The following NAV2 variants were observed in gnomAD, a reference collection of about 807,000 sequenced individuals.
NAV2 encodes neuron navigator 2.
NAV2 carries 54 observed loss-of-function variants against 223.2 expected under a neutral mutation model. The observed-to-expected ratio is 0.24, with a 90% confidence interval of 0.19 to 0.30. NAV2 has a LOEUF of 0.30. Ranked by LOEUF, NAV2 falls within the 10% of genes least tolerant of loss-of-function variation. The pLI is 1.00. For synonymous variants in NAV2, 1,279 were observed against 1,239.3 expected (o/e 1.03, Z -0.67); for missense variants, 2,806 against 3,147.5 (o/e 0.89, Z 2.60).
intron 3 of NAV2, among the ~76,000 whole-genome samples, chr11:19,860,973 T>C (rs972711230): frequency 7.0e-6 from 1 of 141,848 alleles, no homozygotes; most frequent in Admixed American, 7.5e-5. Context: ...TGAGCCGAGA[T>C]GGCAGCAGTA....
intron 1 of NAV2, among the ~76,000 whole-genome samples, chr11:19,566,713 C>G (rs577527439): frequency 1.3e-5 from 2 of 152,190 alleles, no homozygotes; most frequent in South Asian, 4.2e-4. Flanking sequence ...TATGAAACAC[C>G]AGACATTATC....
At chr11:19,936,423 A>C (rs2045911765) in intron 7 of NAV2, among the ~76,000 whole-genome samples, 1 of 152,218 alleles carries the variant, frequency 6.6e-6, no homozygotes, top group African/African-American at 2.4e-5. Context: ...TATCAGAAGA[A>C]AAAGTCTTAA....
At chr11:19,701,073 G>T (rs896534240) in intron 1 of NAV2, among the ~76,000 whole-genome samples, 2 of 152,138 alleles carry the variant, frequency 1.3e-5, no homozygotes, top group African/African-American at 4.8e-5. Flanking sequence ...AGAAGTGAGG[G>T]GACCTTTGCC....
intron 1 of NAV2, among the ~76,000 whole-genome samples, chr11:19,699,656 T>C (rs2049452877): frequency 6.6e-6 from 1 of 152,208 alleles, no homozygotes; most frequent in Non-Finnish European, 1.5e-5. Flanking sequence ...AGAAGAGTAG[T>C]GCAGCACCTT....
chr11:19,924,958 T>G (rs1439373070), intron 6 of NAV2, among the ~76,000 whole-genome samples: 2 of 152,172 alleles, frequency 1.3e-5, no homozygotes, highest in South Asian at 2.1e-4. Context: ...GGGTCAGGGA[T>G]GCTTATTTTT....
At chr11:19,931,327 C>T (rs1167314204) in intron 6 of NAV2, among the ~76,000 whole-genome samples, 1 of 152,146 alleles carries the variant, frequency 6.6e-6, no homozygotes, top group Non-Finnish European at 1.5e-5. Flanking sequence ...ACCCTCCCTC[C>T]AAACCCAAAT....
chr11:19,958,879 C>A (rs1005414640), intron 10 of NAV2, among the ~76,000 whole-genome samples: 8 of 152,156 alleles, frequency 5.3e-5, no homozygotes, highest in African/African-American at 1.9e-4. Flanking sequence ...AGGCAGTGGG[C>A]TCAGGTTAGA....
At chr11:19,924,703 C>T (rs964624626) in intron 6 of NAV2, among the ~76,000 whole-genome samples, 2 of 152,198 alleles carry the variant, frequency 1.3e-5, no homozygotes. Flanking sequence ...GAAAGCATCA[C>T]CAAGATTTCT....
At chr11:19,706,694 G>T (rs894611366) in intron 1 of NAV2, among the ~76,000 whole-genome samples, 1 of 152,164 alleles carries the variant, frequency 6.6e-6, no homozygotes, top group African/African-American at 2.4e-5. Context: ...CCAAAGCCAG[G>T]CACATAGATG....
intron 1 of NAV2, among the ~76,000 whole-genome samples, chr11:19,645,192 G>T (rs1472741659): frequency 2.0e-5 from 3 of 152,090 alleles, no homozygotes; most frequent in Non-Finnish European, 4.4e-5. Context: ...GATTCTAGAG[G>T]CTGGTCCTAT....
At position 20,092,267 on chromosome 11, in the gene NAV2, G is replaced by T. The variant is rs755895691; in HGVS notation, c.5714G>T (p.Gly1905Val). Residue 1905 changes from glycine to valine, a missense_variant, in exon 28 of 38, where the codon GGC becomes GTC. Physicochemically the swap from Gly to Val is moderately radical, Grantham distance 109. Transcript: ENST00000349880. ...DRLKSESQGS[G>V]CSRAPSQVSI... Reference sequence around the variant, plus strand: ...CTGAAGTCAGAGTCTCAAGGCAGTGGCTGCAGCCGGGCTCCTTCCCAAGTG... The same window carrying T: ...CTGAAGTCAGAGTCTCAAGGCAGTGTCTGCAGCCGGGCTCCTTCCCAAGTG... 2 of 1,614,176 alleles carry T rather than the reference G, an allele frequency of 1.2e-6. No homozygotes were observed. Among genetic ancestry groups the T allele is most frequent in the South Asian group, 2.2e-5 (2 of 91,088 alleles).
chr11:19,650,559 TC>T (rs2047941474), intron 1 of NAV2, among the ~76,000 whole-genome samples: 1 of 152,146 alleles, frequency 6.6e-6, no homozygotes, highest in South Asian at 2.1e-4. Flanking sequence ...ACCCAGAACT[TC>T]CATGCCTGGG....
At position 19,994,737 on chromosome 11, in the gene NAV2, G is replaced by A. The variant is rs571557109; in HGVS notation, c.2768+10490G>A. Among the ~76,000 whole-genome samples the A allele has an allele frequency of 1.1e-3, 170 of 152,240 alleles. 1 individual carries two copies. The highest frequency in any genetic ancestry group is 3.9e-3 in the African/African-American group (162 of 41,536). ...ATGCTGGACAGCTGTGACACCCAGA[G>A]TTGTAGTGAACCGATGTTTCTATCC... On this transcript the variant is annotated intron_variant, in intron 11 of 37. Transcript: ENST00000349880.
At chr11:19,366,093 CA>C (rs1488510815) in intron 1 of NAV2, among the ~76,000 whole-genome samples, 1 of 152,224 alleles carries the variant, frequency 6.6e-6, no homozygotes, top group Non-Finnish European at 1.5e-5. Flanking sequence ...CTCATTTCAG[CA>C]GCCACTAAAA....
chr11:20,051,664 T>C (rs1451536109), intron 17 of NAV2, among the ~76,000 whole-genome samples: 1 of 152,224 alleles, frequency 6.6e-6, no homozygotes, highest in Non-Finnish European at 1.5e-5. Flanking sequence ...ATGACCATTC[T>C]GTTAACATGG....
intron 19 of NAV2, among the ~76,000 whole-genome samples, chr11:20,058,511 GA>G (rs201603688): frequency 1.3e-5 from 2 of 151,314 alleles, no homozygotes; most frequent in African/African-American, 2.4e-5. Flanking sequence ...GGATTCTAGA[GA>G]AAAAAAAATC....
At chr11:19,517,496 A>G (rs1353588389) in intron 1 of NAV2, among the ~76,000 whole-genome samples, 1 of 152,208 alleles carries the variant, frequency 6.6e-6, no homozygotes, top group African/African-American at 2.4e-5. Flanking sequence ...ATTCAGTATC[A>G]TGCACCCCAA....
rs189475910 is a variant in NAV2 at position 19,372,767 on chromosome 11, G to A, written c.75+21740G>A. 2.6e-5 allele frequency among the ~76,000 whole-genome samples: 4 copies of A among 152,328 alleles called. No homozygotes were observed. In the East Asian group the frequency reaches 7.7e-4, roughly 29 times the overall value. Reference sequence around the variant, plus strand: ...AAAGCTGAGAAACAGCTGTGGAAACGAGGTTTCAGGACCTCCTGGCCCCAT... The same window carrying A: ...AAAGCTGAGAAACAGCTGTGGAAACAAGGTTTCAGGACCTCCTGGCCCCAT... On this transcript the variant is annotated intron_variant, in intron 1 of 37. Transcript: ENST00000360655.
intron 1 of NAV2, among the ~76,000 whole-genome samples, chr11:19,591,640 T>A (rs1221529004): frequency 6.6e-6 from 1 of 152,136 alleles, no homozygotes; most frequent in East Asian, 1.9e-4. Flanking sequence ...AGTGTAAGTG[T>A]GATAGGGATC....
Sources: allele counts gnomAD v4.1 joint callset (sites outside exome capture counted in the v4.1 genomes callset), GRCh38; gene constraint gnomAD v4.1.1; transcripts MANE v1.5; gene names NCBI Gene and HGNC (gene_info 2026-07-23, HGNC 2026-07-21).